DNAI3: variants seen among roughly 807,000 people sequenced by gnomAD.
The protein encoded by DNAI3 is WD repeat domain 63.
In DNAI3, 83 loss-of-function variants were observed where a neutral mutation model predicts 115.5. That is an observed-to-expected ratio of 0.72 (90% CI 0.60 to 0.86). The LOEUF is 0.86. Ranked by LOEUF, DNAI3 falls within the 40% of genes least tolerant of loss-of-function variation. The pLI is 0.00. For missense variants in DNAI3, 1,004 were observed against 1,075.8 expected, an observed-to-expected ratio of 0.93 and a Z score of 0.93; for synonymous variants, 320 against 347.0, an observed-to-expected ratio of 0.92 and a Z score of 0.86.
chr1:85,086,049 T>G lies in DNAI3; in HGVS notation c.740+19T>G, dbSNP rs1654792690. On this transcript the variant is annotated intron_variant, in intron 7 of 22. Transcript: ENST00000294664. ...CAAAATGGTAAGTATGTGATGGGTG[T>G]ATGTAATTTTATAGCCAGTTACAGT... is the stretch of plus-strand genomic sequence containing the variant. 3.1e-6 allele frequency: 5 copies of G among 1,604,794 alleles called. No homozygotes were observed. The highest frequency in any genetic ancestry group is 2.6e-6 in the Non-Finnish European group (3 of 1,175,330).
chr1:85,097,979 G>A (rs528361435), intron 12 of DNAI3, among the ~76,000 whole-genome samples: 3 of 152,260 alleles, frequency 2.0e-5, no homozygotes, highest in East Asian at 1.9e-4. Context: ...ACAGAAGAGC[G>A]GATACCCAGG....
intron 9 of DNAI3, 84 bp downstream of exon 9, chr1:85,093,732 C>A: frequency 6.6e-7 from 1 of 1,515,028 alleles, no homozygotes; most frequent in Non-Finnish European, 9.2e-7. Context: ...CAAACTAGTT[C>A]AATGTCAATA....
At position 85,090,580 on chromosome 1, in the gene DNAI3, G is replaced by T. The variant is rs574246355; in HGVS notation, c.857+348G>T. 1.8e-4 allele frequency among the ~76,000 whole-genome samples: 27 copies of T among 152,308 alleles called. No individual in the cohort carries two copies. In the East Asian group the frequency reaches 5.2e-3, roughly 29 times the overall value. On this transcript the variant is annotated intron_variant, in intron 8 of 22. Coordinates refer to ENST00000294664, the MANE Select transcript of DNAI3 (RefSeq NM_145172.5). ...CTTCCTCATTAACTTTTTATAGGAT[G>T]AGGAGAATGCTGTGGCCATTATTAT...
At chr1:85,105,578 G>A (rs1307362824) in intron 14 of DNAI3, among the ~76,000 whole-genome samples, 1 of 150,950 alleles carries the variant, frequency 6.6e-6, no homozygotes, top group Admixed American at 6.6e-5. Context: ...AAAATATGAG[G>A]CTCTGAAGGC....
intron 1 of DNAI3, among the ~76,000 whole-genome samples, chr1:85,067,505 G>C (rs1430007273): frequency 1.3e-5 from 2 of 152,198 alleles, no homozygotes; most frequent in South Asian, 4.1e-4. Flanking sequence ...TTGATTGTTT[G>C]GGGGATGATT....
At chr1:85,130,276 C>A in intron 22 of DNAI3, 164 bp downstream of exon 22, 4 of 994,872 alleles carry the variant, frequency 4.0e-6, no homozygotes, top group Admixed American at 2.8e-5. Context: ...TAGCTCACTG[C>A]CAGTTAGACA....
intron 13 of DNAI3, chr1:85,099,167 C>T (rs933477937): frequency 2.4e-6 from 2 of 835,400 alleles, no homozygotes; most frequent in Non-Finnish European, 2.9e-6. Flanking sequence ...TGGTTGTACA[C>T]TTACTTGACT....
chr1:85,096,479 TTATA>T (rs147746001), intron 11 of DNAI3, among the ~76,000 whole-genome samples: 2 of 146,710 alleles, frequency 1.4e-5, no homozygotes, highest in Non-Finnish European at 3.0e-5. Flanking sequence ...TATAGATAGA[TTATA>T]TATATATATA....
chr1:85,115,117 A>G (rs538946605), intron 16 of DNAI3, among the ~76,000 whole-genome samples: 23 of 152,350 alleles, frequency 1.5e-4, no homozygotes, highest in African/African-American at 4.6e-4. Context: ...GTATTATTTG[A>G]CCAAGTTAAA....
At chr1:85,071,493 C>T (rs1654271758) in intron 1 of DNAI3, among the ~76,000 whole-genome samples, 1 of 152,188 alleles carries the variant, frequency 6.6e-6, no homozygotes, top group Non-Finnish European at 1.5e-5. Flanking sequence ...ATTATATATG[C>T]ATATGCACAC....
chr1:85,132,134 C>T (rs1400196662), intron 22 of DNAI3, among the ~76,000 whole-genome samples: 9 of 152,294 alleles, frequency 5.9e-5, no homozygotes, highest in East Asian at 3.9e-4. Context: ...TTCTAAGCAA[C>T]GGCTGATAAA....
chr1:85,130,227 T>C, intron 22 of DNAI3, 115 bp downstream of exon 22: 1 of 1,465,770 alleles, frequency 6.8e-7, no homozygotes. Context: ...ATTCTTCTCT[T>C]GTTCTCATGA....
At chr1:85,070,115 G>A (rs2100553571) in intron 1 of DNAI3, among the ~76,000 whole-genome samples, 1 of 152,208 alleles carries the variant, frequency 6.6e-6, no homozygotes, top group South Asian at 2.1e-4. Flanking sequence ...ACAAAAATTA[G>A]CCGGGCGTGC....
intron 13 of DNAI3, among the ~76,000 whole-genome samples, chr1:85,104,113 G>T (rs1166870657): frequency 6.0e-5 from 9 of 149,072 alleles, no homozygotes; most frequent in Non-Finnish European, 8.9e-5. Context: ...TGAGATAGTG[G>T]TATGTCCTTT....
intron 3 of DNAI3, among the ~76,000 whole-genome samples, chr1:85,076,478 G>C (rs1654457635): frequency 6.6e-6 from 1 of 152,094 alleles, no homozygotes. Flanking sequence ...TTCTAATAAA[G>C]ACATACCTGA....
intron 16 of DNAI3, among the ~76,000 whole-genome samples, chr1:85,117,336 A>G (rs1175707573): frequency 1.3e-5 from 2 of 152,180 alleles, no homozygotes; most frequent in Non-Finnish European, 2.9e-5. Context: ...TCTTTTACTC[A>G]TGCTTTTCTT....
chr1:85,117,292 ATC>A (rs1655851714), intron 16 of DNAI3, among the ~76,000 whole-genome samples: 1 of 152,234 alleles, frequency 6.6e-6, no homozygotes, highest in Admixed American at 6.5e-5. Flanking sequence ...TTTTAATATT[ATC>A]TCTGGGAGAC....
In DNAI3 at chr1:85,104,587, T is replaced by G; in HGVS notation, c.1543T>G (p.Ser515Ala). Residue 515 changes from serine to alanine, a missense_variant, in exon 14 of 23, where the codon TCA becomes GCA. Around this residue, in one of 3 missense-constraint regions of DNAI3, gnomAD observed 25 missense variants for 53.4 expected, o/e 0.47. Coordinates refer to ENST00000294664, the MANE Select transcript of DNAI3 (RefSeq NM_145172.5). Reference protein sequence around the residue: ...SGICCQLVTCSADCTICFWDI... With the variant: ...SGICCQLVTCAADCTICFWDI... ...AATATGCTGTCAACTTGTCACATGT[T>G]CAGCAGATTGGTAAGTCTTGTTTCA... 6.2e-7 allele frequency: 1 copy of G among 1,613,780 alleles called. No individual in the cohort carries two copies. The highest frequency in any genetic ancestry group is 1.1e-5 in the South Asian group (1 of 91,052).
intron 1 of DNAI3, among the ~76,000 whole-genome samples, chr1:85,071,129 T>C (rs779101223): frequency 2.0e-4 from 31 of 152,256 alleles, no homozygotes; most frequent in South Asian, 4.1e-4. Context: ...GGGTAGATTT[T>C]ATTATTATCC....
Sources: allele counts gnomAD v4.1 joint callset (sites outside exome capture counted in the v4.1 genomes callset), GRCh38; gene constraint gnomAD v4.1.1; regional missense constraint gnomAD v4.1.1; transcripts MANE v1.5; gene names NCBI Gene and HGNC (gene_info 2026-07-23, HGNC 2026-07-21).